Variants in EFCAB13 observed in about 807,000 individuals in gnomAD.
EFCAB13 encodes EF-hand calcium binding domain 13.
In EFCAB13, 91 loss-of-function variants were observed where a neutral mutation model predicts 110.2. That is an observed-to-expected ratio of 0.83 (90% CI 0.70 to 0.98). EFCAB13 has a LOEUF of 0.98. EFCAB13 is among the 50% of genes least tolerant of loss of function. The pLI, the probability that EFCAB13 is intolerant of heterozygous loss-of-function variation, is 0.00. For missense variants in EFCAB13, 968 were observed against 1,119.4 expected, an observed-to-expected ratio of 0.86 and a Z score of 1.93; for synonymous variants, 323 against 369.9, an observed-to-expected ratio of 0.87 and a Z score of 1.45.
chr17:47,340,649 C>G (rs2065378857), intron 5 of EFCAB13, among the ~76,000 whole-genome samples: 1 of 151,874 alleles, frequency 6.6e-6, no homozygotes, highest in African/African-American at 2.4e-5. Flanking sequence ...GTCACCCAGG[C>G]TGGAGTGCAG....
chr17:47,400,370 A>G (rs548860776), intron 17 of EFCAB13, among the ~76,000 whole-genome samples: 15 of 152,332 alleles, frequency 9.8e-5, no homozygotes, highest in African/African-American at 3.6e-4. Context: ...TTCTTTTCAC[A>G]GGATTTATTT....
intron 5 of EFCAB13, among the ~76,000 whole-genome samples, chr17:47,335,925 G>A (rs1433401007): frequency 6.6e-6 from 1 of 152,154 alleles, no homozygotes; most frequent in East Asian, 1.9e-4. Flanking sequence ...TGAGATTTAG[G>A]TAGGGACACA....
intron 9 of EFCAB13, among the ~76,000 whole-genome samples, chr17:47,349,318 T>C (rs1362846166): frequency 1.3e-5 from 2 of 152,202 alleles, no homozygotes; most frequent in Non-Finnish European, 1.5e-5. Flanking sequence ...AAATAAACCC[T>C]GTCAAAGTTG....
chr17:47,332,561 C>T (rs954758678), intron 4 of EFCAB13, among the ~76,000 whole-genome samples: 1 of 151,902 alleles, frequency 6.6e-6, no homozygotes, highest in Non-Finnish European at 1.5e-5. Context: ...ATCCCTCTTC[C>T]TCCCCCAAAC....
At chr17:47,401,728 T>A (rs1374370249) in intron 17 of EFCAB13, among the ~76,000 whole-genome samples, 3 of 134,864 alleles carry the variant, frequency 2.2e-5, no homozygotes, top group Admixed American at 8.5e-5. Flanking sequence ...CACAGCAACC[T>A]CCACCTCCCC....
chr17:47,391,691 T>G, intron 15 of EFCAB13, 111 bp downstream of exon 15: 1 of 952,176 alleles, frequency 1.1e-6, no homozygotes, highest in South Asian at 2.0e-5. Context: ...AAGTTAAAAT[T>G]AAACTAATAC....
chr17:47,419,937 T>TCCCTCC (rs1555587938), intron 23 of EFCAB13, among the ~76,000 whole-genome samples: 3 of 150,158 alleles, frequency 2.0e-5, no homozygotes, highest in Admixed American at 2.0e-4. Flanking sequence ...CCTCTCCCTC[T>TCCCTCC]CCCTCCCTCT....
intron 18 of EFCAB13, 30 bp downstream of exon 18, chr17:47,402,233 A>G (rs1357058528): frequency 1.3e-6 from 2 of 1,581,368 alleles, no homozygotes; most frequent in Middle Eastern, 1.7e-4. Flanking sequence ...TAACGGTTAG[A>G]TTTACTTTTA....
At chr17:47,324,815 A>G (rs1265726226) in intron 2 of EFCAB13, among the ~76,000 whole-genome samples, 2 of 151,282 alleles carry the variant, frequency 1.3e-5, no homozygotes, top group African/African-American at 4.9e-5. Flanking sequence ...CCTCTCAGCT[A>G]CTGCCTTATT....
chr17:47,432,073 T>G (rs939354578), intron 24 of EFCAB13, among the ~76,000 whole-genome samples: 4 of 151,994 alleles, frequency 2.6e-5, no homozygotes, highest in African/African-American at 9.7e-5. Context: ...CTGGGCAAGA[T>G]GGTGAAACCG....
intron 9 of EFCAB13, among the ~76,000 whole-genome samples, chr17:47,351,304 TGCGCGC>T (rs71141904): frequency 8.7e-4 from 107 of 123,100 alleles, no homozygotes; most frequent in African/African-American, 2.2e-3. Context: ...TGTGTGTGTG[TGCGCGC>T]GCGCGCGCGC....
At chr17:47,356,421 G>T (rs1368062836) in intron 9 of EFCAB13, among the ~76,000 whole-genome samples, 4 of 152,102 alleles carry the variant, frequency 2.6e-5, no homozygotes, top group African/African-American at 7.2e-5. Flanking sequence ...TCCCCTAGGG[G>T]CTTCCTGAGA....
chr17:47,411,204 GTCT>G (rs564701295), intron 21 of EFCAB13, among the ~76,000 whole-genome samples: 66 of 152,266 alleles, frequency 4.3e-4, no homozygotes, highest in African/African-American at 8.4e-4. Context: ...GAATAGATTT[GTCT>G]TCTTATCTCT....
chr17:47,419,913 CCCCTCT>C (rs59364535), intron 23 of EFCAB13, among the ~76,000 whole-genome samples: 167 of 149,492 alleles, frequency 1.1e-3, no homozygotes, highest in East Asian at 4.9e-3. Context: ...TAAGAAATGT[CCCCTCT>C]CCCTCTCCCT....
At chr17:47,391,052 A>G (rs1384119970) in intron 14 of EFCAB13, among the ~76,000 whole-genome samples, 1 of 151,888 alleles carries the variant, frequency 6.6e-6, no homozygotes, top group Non-Finnish European at 1.5e-5. Context: ...CAATTCTCCT[A>G]CCTCAGCCTC....
At chr17:47,379,097 T>C in intron 13 of EFCAB13, 85 bp from the exon 14 acceptor site, 1 of 968,788 alleles carries the variant, frequency 1.0e-6, no homozygotes, top group Non-Finnish European at 1.6e-6. Context: ...TCAAGTAAAT[T>C]TTAAAAATAG....
intron 8 of EFCAB13, among the ~76,000 whole-genome samples, chr17:47,346,442 C>CG (rs964648636): frequency 1.4e-5 from 2 of 140,356 alleles, no homozygotes; most frequent in African/African-American, 5.3e-5. Context: ...TACCCCCCCC[C>CG]CCATTTATCT....
At chr17:47,360,083 C>A (rs921241874) in intron 9 of EFCAB13, among the ~76,000 whole-genome samples, 5 of 152,030 alleles carry the variant, frequency 3.3e-5, no homozygotes, top group African/African-American at 2.4e-5. Context: ...CCGCAATAAA[C>A]AAACATGTGC....
intron 5 of EFCAB13, chr17:47,339,837 T>C (rs1323023803): frequency 2.0e-5 from 3 of 152,106 alleles, no homozygotes; most frequent in African/African-American, 4.8e-5. Flanking sequence ...AATCTTGAAA[T>C]ACCATTTCTT....
Sources: allele counts gnomAD v4.1 joint callset (sites outside exome capture counted in the v4.1 genomes callset), GRCh38; gene constraint gnomAD v4.1.1; transcripts MANE v1.5; gene names NCBI Gene and HGNC (gene_info 2026-07-23, HGNC 2026-07-21).